NACA: variants seen among roughly 807,000 people sequenced by gnomAD.
NACA encodes the protein nascent polypeptide-associated complex subunit alpha.
NACA carries 42 observed loss-of-function variants against 86.4 expected under a neutral mutation model. The ratio of observed to expected loss-of-function variants is 0.49; its 90% CI spans 0.38 to 0.63. The LOEUF (loss-of-function observed/expected upper bound fraction) is 0.63, where lower values mean the gene tolerates loss of function less well. Ranked by LOEUF, NACA falls within the 20% of genes least tolerant of loss-of-function variation. NACA has a pLI of 0.00. For synonymous variants in NACA, 898 were observed against 973.7 expected (o/e 0.92, Z 1.45); for missense variants, 2,157 against 2,483.6 (o/e 0.87, Z 2.80).
At chr12:56,713,218 T>C (rs369553170) in intron 6 of NACA, 28 bp from the exon 7 acceptor site, 29 of 1,611,108 alleles carry the variant, frequency 1.8e-5, no homozygotes, top group Non-Finnish European at 2.3e-5. Context: ...CAGATCCATG[T>C]GAGTAGATTA....
chr12:56,715,787 T>C (rs1234435759), intron 3 of NACA, 84 bp downstream of exon 3: 31 of 1,221,842 alleles, frequency 2.5e-5, no homozygotes, highest in Non-Finnish European at 4.4e-6. Context: ...AAGCGGCGCA[T>C]CACAGGGTTA....
Position 56,717,109 on chromosome 12 carries a change from GA to G in NACA, c.4420del (p.Ser1474ProfsTer35). On this transcript the variant is annotated frameshift_variant, in exon 3 of 9. Transcript: ENST00000454682. LOFTEE classifies it high-confidence loss of function. ...DPTLPAVTPP[S>X]PKEPPAPKQV... ...TTTGGGGGCTGGGGGCTCCTTGGGG[GA>G]AGGAGGAGTCACTGCTGGGAGGGTG... 1 of 1,271,898 alleles carries G rather than the reference GA, an allele frequency of 7.9e-7. No homozygotes were observed. Among genetic ancestry groups the G allele is most frequent in the South Asian group, 1.7e-5 (1 of 59,230 alleles). 78.8% of individuals were successfully genotyped at this position (1,271,898 alleles called of 1,614,324 possible). A position where few individuals can be genotyped will look rare whatever the true frequency, so the allele number is the denominator to read the frequency against.
intron 7 of NACA, 39 bp downstream of exon 7, chr12:56,713,023 T>C: frequency 1.9e-6 from 3 of 1,613,336 alleles, no homozygotes; most frequent in Non-Finnish European, 2.5e-6. Context: ...CACAATGCTA[T>C]ACGGCGAGAG....
Position 56,720,682 on chromosome 12 carries a change from A to G in NACA, c.848T>C (p.Leu283Pro). ...CTTTTGAGAAGAGGTCACCACAGGA[A>G]GAGACTGAGTTGAAAGAGATAAGGC... is the stretch of plus-strand genomic sequence containing the variant. ...PAALSLSTQS[L>P]PVVTSSQKTA... Residue 283 changes from leucine (L) to proline (P), a missense_variant, in exon 3 of 9, where the codon CTT (leucine) becomes CCT (proline). Around this residue, in one of 8 missense-constraint regions of NACA, gnomAD observed 947 missense variants for 917.9 expected, o/e 1.03. Transcript: ENST00000454682. 6.2e-7 allele frequency: 1 copy of G among 1,613,986 alleles called. No homozygotes were observed. The highest frequency in any genetic ancestry group is 1.3e-5 in the African/African-American group (1 of 75,034).
intron 2 of NACA, among the ~76,000 whole-genome samples, chr12:56,722,822 T>A (rs1437436538): frequency 6.8e-6 from 1 of 147,594 alleles, no homozygotes. Flanking sequence ...AGACAGTATC[T>A]CTGGCATTCA....
In NACA at chr12:56,712,829, C is replaced by T. The variant is rs1953254362; in HGVS notation, c.6179G>A (p.Arg2060Gln). The T allele has an allele frequency of 4.3e-6, 7 of 1,614,186 alleles. No individual in the cohort carries two copies. Among genetic ancestry groups the T allele is most frequent in the South Asian group, 1.1e-5 (1 of 91,086 alleles). ...QANVSRAKAV[R>Q]ALKNNSNDIV... The stretch of plus-strand genomic sequence containing the variant: ...ATCATTACTGTTGTTCTTCAGGGCT[C>T]GGACTGCCTTTGCTCTCGACACATT... Residue 2060 changes from arginine to glutamine, a missense_variant, in exon 8 of 9, where the codon CGA becomes CAA. By Grantham distance (43) the Arg-to-Gln change is conservative. This residue lies in a region of NACA where 81 missense variants were observed against 200.6 expected (regional missense o/e 0.40). Transcript: ENST00000454682.
At position 56,718,395 on chromosome 12, in the gene NACA, TCC is replaced by T; in HGVS notation, c.3133_3134del (p.Gly1045LysfsTer299). On this transcript the variant is annotated frameshift_variant, in exon 3 of 9. Coordinates refer to ENST00000454682, the MANE Select transcript of NACA (RefSeq NM_001365896.1). LOFTEE classifies it high-confidence loss of function. ...TGGGGAGTGGGGTAGCTGCTGGACT[TCC>T]TTTGGGGGAGGGAGGAGTTGCAGCT... ...PPAATPPSPK[G>X]SPAATPLPKG... 1 of 1,203,490 alleles carries T rather than the reference TCC, an allele frequency of 8.3e-7. No individual in the cohort carries two copies. Among genetic ancestry groups the T allele is most frequent in the South Asian group, 2.2e-5 (1 of 45,840 alleles). 74.6% of individuals were successfully genotyped at this position (1,203,490 alleles called of 1,614,324 possible).
chr12:56,718,424 G>A lies in NACA; in HGVS notation c.3106C>T (p.Pro1036Ser). 8.1e-7 allele frequency: 1 copy of A among 1,232,098 alleles called. No individual in the cohort carries two copies. The highest frequency in any genetic ancestry group is 1.6e-5 in the African/African-American group (1 of 61,524). 76.3% of individuals were successfully genotyped at this position (1,232,098 alleles called of 1,614,324 possible). ...TPFPKGASTP[P>S]AATPPSPKGS... ...TTGGGGGAGGGAGGAGTTGCAGCTG[G>A]GGGTGTGGATGCCCCTTTGGGGAAT... The change falls in exon 3 of 9, where the codon CCA becomes TCA. Residue 1036 changes from proline to serine, a missense_variant. Pro to Ser is a moderately conservative substitution (Grantham distance 74, BLOSUM62 -1). This residue lies in a region of NACA where 124 missense variants were observed against 186.5 expected (regional missense o/e 0.66). Coordinates refer to ENST00000454682, the MANE Select transcript of NACA (RefSeq NM_001365896.1).
Position 56,714,580 on chromosome 12 carries a change from CAGTT to C in NACA, c.5745+18_5745+21del, listed in dbSNP as rs1285186023. On this transcript the variant is annotated intron_variant, in intron 4 of 8. Transcript: ENST00000454682. ...CAACCCTGCTTCTTTGACCCAATAC[CAGTT>C]AGTAAGAGAATACCCACCTGGGCTT... The C allele has an allele frequency of 6.2e-7, 1 of 1,613,452 alleles. No homozygotes were observed. The highest frequency in any genetic ancestry group is 2.2e-5 in the East Asian group (1 of 44,882).
rs1343710626 is a variant in NACA at position 56,720,443 on chromosome 12, TGGAAG to T, written c.1082_1086del (p.Pro361GlnfsTer3). 6.2e-7 allele frequency: 1 copy of T among 1,613,716 alleles called. No homozygotes were observed. The highest frequency in any genetic ancestry group is 8.5e-7 in the Non-Finnish European group (1 of 1,179,756). On this transcript the variant is annotated frameshift_variant, in exon 3 of 9. Transcript: ENST00000454682. LOFTEE classifies it high-confidence loss of function. ...ACAGTAGCAGGAACTACCTCATTTC[TGGAAG>T]GAAGGGGAGGAATTACAGATCTCTG...
chr12:56,720,171 AG>A lies in NACA; in HGVS notation c.1358del (p.Pro453LeufsTer7). 6.2e-7 allele frequency: 1 copy of A among 1,613,984 alleles called. No individual in the cohort carries two copies. Among genetic ancestry groups the A allele is most frequent in the Non-Finnish European group, 8.5e-7 (1 of 1,179,884 alleles). On this transcript the variant is annotated frameshift_variant, in exon 3 of 9. Coordinates refer to ENST00000454682, the MANE Select transcript of NACA (RefSeq NM_001365896.1). LOFTEE classifies it high-confidence loss of function. ...AAGTAGCTACCTCAAAGGTAGTAGTAGGTGCTGCAGCAATTGTACAGGGGTT... is the reference window on the plus strand; with the variant it reads ...AAGTAGCTACCTCAAAGGTAGTAGTAGTGCTGCAGCAATTGTACAGGGGTT... ...VTNPCTIAAA[P>X]TTTFEVATCV...
At chr12:56,722,049 C>T (rs902158784) in intron 2 of NACA, among the ~76,000 whole-genome samples, 1 of 152,342 alleles carries the variant, frequency 6.6e-6, no homozygotes, top group African/African-American at 2.4e-5. Context: ...GGCTAGGAAA[C>T]ATCTGACTCT....
chr12:56,714,487 T>G lies in NACA; in HGVS notation c.5746-48A>C, dbSNP rs770540571. 3 of 1,606,588 alleles carry G rather than the reference T, an allele frequency of 1.9e-6. No individual in the cohort carries two copies. The African/African-American group carries it at 4.0e-5, about 21-fold the overall frequency. On this transcript the variant is annotated intron_variant, in intron 4 of 8. Transcript: ENST00000454682. ...AGTTAACCAGAATCTAAGATCTGGATAGCACAATCTCCTTGTGGGTTTTCC... is the reference window on the plus strand; with the variant it reads ...AGTTAACCAGAATCTAAGATCTGGAGAGCACAATCTCCTTGTGGGTTTTCC...
At position 56,716,253 on chromosome 12, in the gene NACA, C is replaced by G. The variant is rs570469875; in HGVS notation, c.5277G>C (p.Lys1759Asn). The G allele has an allele frequency of 5.3e-5, 86 of 1,613,720 alleles. 2 individuals are homozygous for G. The South Asian group carries it at 6.8e-4, about 13-fold the overall frequency. ...AKGKDASHSP[K>N]GPLAPPESKA... The stretch of plus-strand genomic sequence containing the variant: ...TAGACTCAGGAGGAGCCAAGGGGCC[C>G]TTTGGGGAATGAGAAGCATCTTTGC... The change falls in exon 3 of 9, where the codon AAG becomes AAC. Residue 1759 changes from lysine (K) to asparagine (N), a missense_variant. By Grantham distance (94) the Lys-to-Asn change is moderately conservative. Coordinates refer to ENST00000454682, the MANE Select transcript of NACA (RefSeq NM_001365896.1).
rs754174182 is a variant in NACA, at chr12:56,720,633, T to TG, written c.896dup (p.Asp300ArgfsTer30). ...GAGAGCCCAGAGAAATGGGAAAATC[T>TG]GGGGGGGTGTTGGGACCCGCAGTCT... is the stretch of plus-strand genomic sequence containing the variant. On this transcript the variant is annotated frameshift_variant, in exon 3 of 9. Coordinates refer to ENST00000454682, the MANE Select transcript of NACA (RefSeq NM_001365896.1). LOFTEE classifies it high-confidence loss of function. 120 of 1,613,648 alleles carry TG rather than the reference T, an allele frequency of 7.4e-5. No individual in the cohort carries two copies. Among genetic ancestry groups the TG allele is most frequent in the Admixed American group, 6.5e-4 (39 of 59,988 alleles).
intron 8 of NACA, 77 bp downstream of exon 8, chr12:56,712,709 A>T (rs1331784582): frequency 2.6e-5 from 41 of 1,607,722 alleles, no homozygotes; most frequent in Non-Finnish European, 3.3e-5. Context: ...ATTGGCTGAT[A>T]TTTAGCAAGA....
At chr12:56,723,086 AAT>A (rs1214632632) in intron 2 of NACA, among the ~76,000 whole-genome samples, 3 of 152,224 alleles carry the variant, frequency 2.0e-5, no homozygotes, top group African/African-American at 4.8e-5. Flanking sequence ...AAAAACATGG[AAT>A]ATGTTTTCTT....
In NACA at chr12:56,716,429, G is replaced by A. The variant is rs557295893; in HGVS notation, c.5101C>T (p.Arg1701Trp). The A allele has an allele frequency of 3.1e-6, 5 of 1,590,486 alleles. No individual in the cohort carries two copies. The highest frequency in any genetic ancestry group is 1.3e-5 in the African/African-American group (1 of 74,534). ...ESTPIITAPT[R>W]KGPQTKKSSA... ...CTCTTTTTGGTCTGTGGACCTTTCC[G>A]AGTGGGAGCTGTGATGATTGGCGTG... Residue 1701 changes from arginine to tryptophan, a missense_variant, in exon 3 of 9, where the codon CGG becomes TGG. Arg to Trp is a moderately radical substitution (Grantham distance 101). Around this residue, in one of 8 missense-constraint regions of NACA, gnomAD observed 797 missense variants for 777.6 expected, o/e 1.02. Coordinates refer to ENST00000454682, the MANE Select transcript of NACA (RefSeq NM_001365896.1).
chr12:56,713,020 C>G (rs556881553), intron 7 of NACA, 42 bp downstream of exon 7: 1 of 1,613,076 alleles, frequency 6.2e-7, no homozygotes, highest in Non-Finnish European at 8.5e-7. Flanking sequence ...GAACACAATG[C>G]TATACGGCGA....
Sources: gnomAD v4.1 joint callset for allele counts (sites outside exome capture counted in the v4.1 genomes callset) on GRCh38, gnomAD v4.1.1 for gene constraint, gnomAD v4.1.1 regional missense constraint, MANE v1.5 for transcripts, NCBI Gene and HGNC (gene_info 2026-07-23, HGNC 2026-07-21) for gene names.